LIMCH1: variants seen among roughly 807,000 people sequenced by gnomAD.
LIMCH1 encodes LIM and calponin homology domains 1.
Under a neutral mutation model 176.5 loss-of-function variants are expected in LIMCH1, and 113 were observed. The observed-to-expected ratio is 0.64, with a 90% CI of 0.55 to 0.75. The LOEUF is 0.75. Among genes scored for constraint, LIMCH1 ranks in the 30% least tolerant of loss-of-function variants. The pLI, the probability that LIMCH1 is intolerant of heterozygous loss-of-function variation, is 0.00. For missense variants in LIMCH1, 1,674 were observed against 1,814.9 expected, an observed-to-expected ratio of 0.92 and a Z score of 1.41; for synonymous variants, 619 against 645.9, an observed-to-expected ratio of 0.96 and a Z score of 0.63.
At chr4:41,563,165 C>G (rs552300616) in intron 1 of LIMCH1, among the ~76,000 whole-genome samples, 32 of 152,258 alleles carry the variant, frequency 2.1e-4, no homozygotes, top group Non-Finnish European at 4.0e-4. Flanking sequence ...TCTGTGCCAT[C>G]ACCGACCAGC....
At position 41,650,560 on chromosome 4, in the gene LIMCH1, C is replaced by T. The variant is rs1448560319; in HGVS notation, c.2988C>T (p.Ser996=). 2 of 1,613,958 alleles carry T rather than the reference C, an allele frequency of 1.2e-6. No individual in the cohort carries two copies. Among genetic ancestry groups the T allele is most frequent in the Non-Finnish European group, 1.7e-6 (2 of 1,180,020 alleles). The change falls in exon 18 of 32, where the codon AGC becomes AGT. Residue 996 remains serine (S), a synonymous_variant. Coordinates refer to ENST00000503057, the MANE Select transcript of LIMCH1 (RefSeq NM_001330672.2). ...TGGAGCTGAAACAAGACAACGGTAG[C>T]ATCGAGATCAACATAAAGAAGCCAA... ...SPLELKQDNG[S]IEINIKKPNS...
chr4:41,428,031 C>T (rs548096140), intron 1 of LIMCH1, among the ~76,000 whole-genome samples: 1 of 151,858 alleles, frequency 6.6e-6, no homozygotes, highest in African/African-American at 2.4e-5. Flanking sequence ...GAAATGTGTG[C>T]TGGAGAATAA....
intron 1 of LIMCH1, among the ~76,000 whole-genome samples, chr4:41,460,480 CTT>C (rs1491581173): frequency 3.2e-4 from 24 of 75,774 alleles, no homozygotes; most frequent in Admixed American, 2.6e-3. Context: ...ATATATATAT[CTT>C]ATAATATCAT....
At chr4:41,387,230 T>C (rs1014195742) in intron 1 of LIMCH1, among the ~76,000 whole-genome samples, 2 of 152,242 alleles carry the variant, frequency 1.3e-5, no homozygotes, top group African/African-American at 4.8e-5. Context: ...GAACATACAT[T>C]GTTCATTCTT....
intron 1 of LIMCH1, among the ~76,000 whole-genome samples, chr4:41,577,745 A>G (rs540051212): frequency 7.2e-5 from 11 of 152,248 alleles, no homozygotes; most frequent in African/African-American, 2.4e-4. Flanking sequence ...GATTTTTTTT[A>G]TACACATCTT....
intron 7 of LIMCH1, among the ~76,000 whole-genome samples, chr4:41,624,867 C>T (rs538904774): frequency 7.9e-5 from 12 of 152,224 alleles, no homozygotes; most frequent in Non-Finnish European, 1.5e-4. Context: ...GCTTTGAGTC[C>T]GTAATCCCTC....
chr4:41,549,606 A>G (rs1256298446), intron 1 of LIMCH1, among the ~76,000 whole-genome samples: 1 of 152,196 alleles, frequency 6.6e-6, no homozygotes, highest in African/African-American at 2.4e-5. Flanking sequence ...AATTTGGCCA[A>G]AATAACCCAG....
intron 1 of LIMCH1, among the ~76,000 whole-genome samples, chr4:41,437,418 T>A (rs2062194342): frequency 6.6e-6 from 1 of 152,252 alleles, no homozygotes; most frequent in Admixed American, 6.5e-5. Flanking sequence ...GAGAAAGATT[T>A]CTGAACCATT....
chr4:41,655,210 C>T (rs2094430618), intron 18 of LIMCH1, among the ~76,000 whole-genome samples: 1 of 152,158 alleles, frequency 6.6e-6, no homozygotes, highest in African/African-American at 2.4e-5. Context: ...ATACTTCATA[C>T]ACTATATCAA....
At chr4:41,498,790 C>G (rs1406904688) in intron 2 of LIMCH1, among the ~76,000 whole-genome samples, 1 of 152,114 alleles carries the variant, frequency 6.6e-6, no homozygotes, top group Non-Finnish European at 1.5e-5. Context: ...AGAAAAGAAA[C>G]TTTCTGACTT....
intron 12 of LIMCH1, 48 bp from the exon 13 acceptor site, chr4:41,633,500 C>T: frequency 6.6e-7 from 1 of 1,525,328 alleles, no homozygotes; most frequent in Non-Finnish European, 8.8e-7. Context: ...CTGAAAATAT[C>T]TTTAGCAGTA....
rs533762045 is a variant in LIMCH1, at chr4:41,504,649, G to A, written c.167+10043G>A. Among the ~76,000 whole-genome samples the A allele has an allele frequency of 2.0e-4, 30 of 152,312 alleles. No homozygotes were observed. The South Asian group carries it at 6.2e-3, about 32-fold the overall frequency. On this transcript the variant is annotated intron_variant, in intron 2 of 26. Coordinates refer to the LIMCH1 transcript ENST00000313860. ...TAGAGAAATGCAAAGCCAAGTTTCA[G>A]TGAGTGTATGACTGTGTTTATTTTC...
At chr4:41,490,195 G>A (rs1361400645) in intron 1 of LIMCH1, among the ~76,000 whole-genome samples, 1 of 151,792 alleles carries the variant, frequency 6.6e-6, no homozygotes, top group Non-Finnish European at 1.5e-5. Context: ...ATGCGTAAGT[G>A]GACCCACACA....
intron 17 of LIMCH1, among the ~76,000 whole-genome samples, chr4:41,648,908 AGT>A (rs2094177081): frequency 6.6e-6 from 1 of 150,900 alleles, no homozygotes; most frequent in African/African-American, 2.5e-5. Flanking sequence ...AAAAAAACAT[AGT>A]GTGTCACACA....
chr4:41,502,079 A>G (rs1298255039), intron 2 of LIMCH1, among the ~76,000 whole-genome samples: 1 of 114,774 alleles, frequency 8.7e-6, no homozygotes, highest in African/African-American at 3.5e-5. Context: ...TGCCACACTG[A>G]CAGGCCCCAG....
At chr4:41,444,561 G>C (rs1582280962) in intron 1 of LIMCH1, among the ~76,000 whole-genome samples, 1 of 152,070 alleles carries the variant, frequency 6.6e-6, no homozygotes, top group Non-Finnish European at 1.5e-5. Flanking sequence ...GTCTTTGTCT[G>C]GGAATCTCTA....
At chr4:41,443,638 A>G (rs1347755583) in intron 1 of LIMCH1, among the ~76,000 whole-genome samples, 1 of 152,192 alleles carries the variant, frequency 6.6e-6, no homozygotes, top group Non-Finnish European at 1.5e-5. Flanking sequence ...CTGTTAATTT[A>G]CAGTATTTGT....
chr4:41,684,790 A>G (rs551113801), intron 27 of LIMCH1, among the ~76,000 whole-genome samples: 1 of 152,282 alleles, frequency 6.6e-6, no homozygotes, highest in Admixed American at 6.5e-5. Flanking sequence ...TAAGTAGTGC[A>G]TTCTGAGACT....
At chr4:41,448,496 G>C (rs976946036) in intron 1 of LIMCH1, among the ~76,000 whole-genome samples, 1 of 152,162 alleles carries the variant, frequency 6.6e-6, no homozygotes, top group Admixed American at 6.5e-5. Flanking sequence ...CCAAGAATCA[G>C]AAGCAGTATG....
Sources: allele counts gnomAD v4.1 joint callset (sites outside exome capture counted in the v4.1 genomes callset), GRCh38; gene constraint gnomAD v4.1.1; transcripts MANE v1.5; gene names NCBI Gene and HGNC (gene_info 2026-07-23, HGNC 2026-07-21).